Variants in SMIM10L1 observed in about 807,000 individuals in gnomAD.
SMIM10L1 encodes small integral membrane protein 10-like protein 1.
A neutral mutation model predicts 4.5 loss-of-function variants in SMIM10L1; 6 were observed. That is an observed-to-expected ratio of 1.33 (90% CI 0.73 to 2.62). The LOEUF is 2.62. Among genes scored for constraint, SMIM10L1 ranks in the 30% most tolerant of loss-of-function variants. SMIM10L1 has a pLI of 0.00. For synonymous variants in SMIM10L1, 49 were observed against 42.2 expected (o/e 1.16, Z -0.63); for missense variants, 66 against 86.2 (o/e 0.77, Z 0.93).
rs1264639625 is a variant in SMIM10L1 at position 11,171,679 on chromosome 12, C to A, written c.*116C>A. On this transcript the variant is annotated 3_prime_UTR_variant, in exon 1 of 1. Transcript: ENST00000622602. ...CCACAGTCTCGCGAGAGTGCTCAGG[C>A]GCTCTTCGTGGCTGCCCTCTTAGCT... is the stretch of plus-strand genomic sequence containing the variant. 2 of 749,992 alleles carry A rather than the reference C, an allele frequency of 2.7e-6. No homozygotes were observed. The highest frequency in any genetic ancestry group is 3.4e-5 in the East Asian group (1 of 29,478). 46.5% of individuals were successfully genotyped at this position (749,992 alleles called of 1,614,324 possible).
In SMIM10L1 at chr12:11,171,225, A is replaced by T. The variant is rs1947831316; in HGVS notation, c.-132A>T. On this transcript the variant is annotated 5_prime_UTR_variant, in exon 1 of 1. Transcript: ENST00000622602. ...GCGCCGCACTGCACCGAGCGGCGGC[A>T]GCGGCAAGCTTGGGTGTGAGCCCGG... The T allele has an allele frequency of 9.9e-6, 5 of 507,134 alleles. No individual in the cohort carries two copies. The highest frequency in any genetic ancestry group is 1.2e-5 in the Non-Finnish European group (4 of 326,346). The allele number at this position is 507,134 out of a possible 1,614,324, so 31.4% of individuals were successfully genotyped here.
At position 11,174,091 on chromosome 12, in the gene SMIM10L1, C is replaced by G. The variant is rs1947913519; in HGVS notation, c.*2528C>G. The G allele has an allele frequency of 6.6e-6, 1 of 151,614 alleles. No individual in the cohort carries two copies. The highest frequency in any genetic ancestry group is 2.4e-5 in the African/African-American group (1 of 41,250). The allele number at this position is 151,614 out of a possible 1,614,324, so 9.4% of individuals were successfully genotyped here. A position where few individuals can be genotyped will look rare whatever the true frequency, so the allele number is the denominator to read the frequency against. ...AAATGTATTAGGAGGTAAATGTAAA[C>G]TCTGTGGTTTATCATTTATTCACAA... On this transcript the variant is annotated 3_prime_UTR_variant, in exon 1 of 1. Coordinates refer to ENST00000622602, the MANE Select transcript of SMIM10L1 (RefSeq NM_001271592.2).
rs750847913 is a variant in SMIM10L1, at chr12:11,174,158, G to A, written c.*2595G>A. On this transcript the variant is annotated 3_prime_UTR_variant, in exon 1 of 1. Transcript: ENST00000622602. The stretch of plus-strand genomic sequence containing the variant: ...GGGTATAGTTTGCCTCCTACATGAT[G>A]CAATTCAGTGAAATTCCCAGGAGAC... 6.6e-6 allele frequency: 1 copy of A among 151,948 alleles called. No homozygotes were observed. Among genetic ancestry groups the A allele is most frequent in the Non-Finnish European group, 1.5e-5 (1 of 67,950 alleles). 9.4% of individuals were successfully genotyped at this position (151,948 alleles called of 1,614,324 possible). A position where few individuals can be genotyped will look rare whatever the true frequency, so the allele number is the denominator to read the frequency against.
At position 11,174,724 on chromosome 12, in the gene SMIM10L1, C is replaced by A. The variant is rs1333265911; in HGVS notation, c.*3161C>A. The A allele has an allele frequency of 6.6e-6, 1 of 150,692 alleles. No individual in the cohort carries two copies. The allele number at this position is 150,692 out of a possible 1,614,324, so 9.3% of individuals were successfully genotyped here. On this transcript the variant is annotated 3_prime_UTR_variant, in exon 1 of 1. Coordinates refer to ENST00000622602, the MANE Select transcript of SMIM10L1 (RefSeq NM_001271592.2). Reference sequence around the variant, plus strand: ...TTCTGGGTAAAAATACATGTGATTACTTGACAAATAGCATATCATTACCAT... The same window carrying A: ...TTCTGGGTAAAAATACATGTGATTAATTGACAAATAGCATATCATTACCAT...
Position 11,173,336 on chromosome 12 carries a change from T to A in SMIM10L1, c.*1773T>A, listed in dbSNP as rs1947898168. On this transcript the variant is annotated 3_prime_UTR_variant, in exon 1 of 1. Coordinates refer to ENST00000622602, the MANE Select transcript of SMIM10L1 (RefSeq NM_001271592.2). ...TTTTCTACCTGAAGATACTCTGTGT[T>A]TTAAAGCTAAGCTTAGGTGGCGCTT... 6.6e-6 allele frequency: 1 copy of A among 152,192 alleles called. No homozygotes were observed. Among genetic ancestry groups the A allele is most frequent in the Non-Finnish European group, 1.5e-5 (1 of 68,030 alleles). The allele number at this position is 152,192 out of a possible 1,614,324, so 9.4% of individuals were successfully genotyped here.
rs971181353 is a variant in SMIM10L1 at position 11,172,202 on chromosome 12, A to G, written c.*639A>G. 7 of 152,390 alleles carry G rather than the reference A, an allele frequency of 4.6e-5. No homozygotes were observed. The South Asian group carries it at 6.2e-4, about 14-fold the overall frequency. The allele number at this position is 152,390 out of a possible 1,614,324, so 9.4% of individuals were successfully genotyped here. ...GACGTGGATCAAGACTTGGAACCGC[A>G]GAAAACGAAATCCCATAGTAGCACA... On this transcript the variant is annotated 3_prime_UTR_variant, in exon 1 of 1. Coordinates refer to ENST00000622602, the MANE Select transcript of SMIM10L1 (RefSeq NM_001271592.2).
In SMIM10L1 at chr12:11,174,019, AG is replaced by A. The variant is rs949023958; in HGVS notation, c.*2457del. On this transcript the variant is annotated 3_prime_UTR_variant, in exon 1 of 1. Transcript: ENST00000622602. Reference sequence around the variant, plus strand: ...ACTTACAATATATGCATAAAGTTACAGCTTACATTTACCTCGTAATATATGT... The same window carrying A: ...ACTTACAATATATGCATAAAGTTACACTTACATTTACCTCGTAATATATGT... 4 of 150,690 alleles carry A rather than the reference AG, an allele frequency of 2.7e-5. No individual in the cohort carries two copies. Among genetic ancestry groups the A allele is most frequent in the Admixed American group, 6.6e-5 (1 of 15,074 alleles). 9.3% of individuals were successfully genotyped at this position (150,690 alleles called of 1,614,324 possible).
At position 11,171,609 on chromosome 12, in the gene SMIM10L1, C is replaced by T. The variant is rs1947850190; in HGVS notation, c.*46C>T. The stretch of plus-strand genomic sequence containing the variant: ...CCTCCGGGGCCAGCATGATGGCCGA[C>T]TCCCAGGGTCCGTTGCGGCGCGGCG... On this transcript the variant is annotated 3_prime_UTR_variant, in exon 1 of 1. Coordinates refer to ENST00000622602, the MANE Select transcript of SMIM10L1 (RefSeq NM_001271592.2). 2.5e-6 allele frequency: 3 copies of T among 1,193,068 alleles called. No individual in the cohort carries two copies. The highest frequency in any genetic ancestry group is 3.2e-6 in the Non-Finnish European group (3 of 952,334). 73.9% of individuals were successfully genotyped at this position (1,193,068 alleles called of 1,614,324 possible).
Position 11,171,707 on chromosome 12 carries a change from T to C in SMIM10L1, c.*144T>C, listed in dbSNP as rs1947855790. 1.9e-6 allele frequency: 1 copy of C among 525,816 alleles called. No homozygotes were observed. Among genetic ancestry groups the C allele is most frequent in the Non-Finnish European group, 2.9e-6 (1 of 343,602 alleles). 32.6% of individuals were successfully genotyped at this position (525,816 alleles called of 1,614,324 possible). On this transcript the variant is annotated 3_prime_UTR_variant, in exon 1 of 1. Coordinates refer to ENST00000622602, the MANE Select transcript of SMIM10L1 (RefSeq NM_001271592.2). ...TCTTCGTGGCTGCCCTCTTAGCTGC[T>C]AGCGGAGCTCCTCAGGGGGCGGCCG...
rs142204852 is a variant in SMIM10L1 at position 11,172,241 on chromosome 12, C to A, written c.*678C>A. 4 of 152,258 alleles carry A rather than the reference C, an allele frequency of 2.6e-5. No individual in the cohort carries two copies. Among genetic ancestry groups the A allele is most frequent in the African/African-American group, 7.2e-5 (3 of 41,542 alleles). The allele number at this position is 152,258 out of a possible 1,614,324, so 9.4% of individuals were successfully genotyped here. ...CATAGTAGCACAAAGCTTGGCTGTT[C>A]AGTGAATAACATTTAAATAATCGTA... On this transcript the variant is annotated 3_prime_UTR_variant, in exon 1 of 1. Coordinates refer to ENST00000622602, the MANE Select transcript of SMIM10L1 (RefSeq NM_001271592.2).
chr12:11,171,629 G>C lies in SMIM10L1; in HGVS notation c.*66G>C. 1 of 1,149,978 alleles carries C rather than the reference G, an allele frequency of 8.7e-7. No homozygotes were observed. Among genetic ancestry groups the C allele is most frequent in the Non-Finnish European group, 1.1e-6 (1 of 913,284 alleles). 71.2% of individuals were successfully genotyped at this position (1,149,978 alleles called of 1,614,324 possible). A position where few individuals can be genotyped will look rare whatever the true frequency, so the allele number is the denominator to read the frequency against. ...GCCGACTCCCAGGGTCCGTTGCGGC[G>C]CGGCGGAGCAGCCAATGGCGAGCCC... On this transcript the variant is annotated 3_prime_UTR_variant, in exon 1 of 1. Coordinates refer to ENST00000622602, the MANE Select transcript of SMIM10L1 (RefSeq NM_001271592.2).
chr12:11,171,349 C>G lies in SMIM10L1; in HGVS notation c.-8C>G. Reference sequence around the variant, plus strand: ...TACAGACGCTGGGCGGGCGGCGACACCTGGCTCATGGCCCCCGCGGCGGCT... The same window carrying G: ...TACAGACGCTGGGCGGGCGGCGACAGCTGGCTCATGGCCCCCGCGGCGGCT... On this transcript the variant is annotated 5_prime_UTR_variant, in exon 1 of 1. Coordinates refer to ENST00000622602, the MANE Select transcript of SMIM10L1 (RefSeq NM_001271592.2). 8.1e-7 allele frequency: 1 copy of G among 1,231,562 alleles called. No individual in the cohort carries two copies. Among genetic ancestry groups the G allele is most frequent in the Non-Finnish European group, 1.0e-6 (1 of 987,554 alleles). The allele number at this position is 1,231,562 out of a possible 1,614,324, so 76.3% of individuals were successfully genotyped here. A position where few individuals can be genotyped will look rare whatever the true frequency, so the allele number is the denominator to read the frequency against.
At position 11,173,979 on chromosome 12, in the gene SMIM10L1, A is replaced by G. The variant is rs760460066; in HGVS notation, c.*2416A>G. ...ATATATGTATACAGTATATAAGTAT[A>G]TATGTATAGTTACTACTTACAATAT... is the stretch of plus-strand genomic sequence containing the variant. On this transcript the variant is annotated 3_prime_UTR_variant, in exon 1 of 1. Coordinates refer to ENST00000622602, the MANE Select transcript of SMIM10L1 (RefSeq NM_001271592.2). The G allele has an allele frequency of 6.6e-6, 1 of 151,470 alleles. No individual in the cohort carries two copies. 9.4% of individuals were successfully genotyped at this position (151,470 alleles called of 1,614,324 possible). A position where few individuals can be genotyped will look rare whatever the true frequency, so the allele number is the denominator to read the frequency against.
Position 11,175,563 on chromosome 12 carries a change from G to A in SMIM10L1, c.*4000G>A, listed in dbSNP as rs1386350134. ...TGGAAAGTAGTCTAAAGACGACTTGGGAAGTTCCAAGAAAATGAACCAAGA... is the reference window on the plus strand; with the variant it reads ...TGGAAAGTAGTCTAAAGACGACTTGAGAAGTTCCAAGAAAATGAACCAAGA... On this transcript the variant is annotated 3_prime_UTR_variant, in exon 1 of 1. Transcript: ENST00000622602. 6.6e-6 allele frequency: 1 copy of A among 152,150 alleles called. No individual in the cohort carries two copies. The highest frequency in any genetic ancestry group is 6.5e-5 in the Admixed American group (1 of 15,280). 9.4% of individuals were successfully genotyped at this position (152,150 alleles called of 1,614,324 possible).
rs552266463 is a variant in SMIM10L1 at position 11,173,729 on chromosome 12, C to T, written c.*2166C>T. On this transcript the variant is annotated 3_prime_UTR_variant, in exon 1 of 1. Coordinates refer to ENST00000622602, the MANE Select transcript of SMIM10L1 (RefSeq NM_001271592.2). ...AACATATTCCTATAACTTTTTTCCTCACATCAGTCATTTGTTAAACCGAAG... is the reference window on the plus strand; with the variant it reads ...AACATATTCCTATAACTTTTTTCCTTACATCAGTCATTTGTTAAACCGAAG... 53 of 152,144 alleles carry T rather than the reference C, an allele frequency of 3.5e-4. 1 individual carries two copies. Among genetic ancestry groups the T allele is most frequent in the African/African-American group, 1.3e-3 (52 of 41,524 alleles). 9.4% of individuals were successfully genotyped at this position (152,144 alleles called of 1,614,324 possible).
In SMIM10L1 at chr12:11,173,470, C is replaced by G. The variant is rs181437014; in HGVS notation, c.*1907C>G. 1 of 152,308 alleles carries G rather than the reference C, an allele frequency of 6.6e-6. No homozygotes were observed. Among genetic ancestry groups the G allele is most frequent in the East Asian group, 1.9e-4 (1 of 5,192 alleles). The allele number at this position is 152,308 out of a possible 1,614,324, so 9.4% of individuals were successfully genotyped here. ...TTATTTTTCCCTAATCGTGCATCAA[C>G]TGTCTGTTTTATATACCCAAGACAG... On this transcript the variant is annotated 3_prime_UTR_variant, in exon 1 of 1. Coordinates refer to ENST00000622602, the MANE Select transcript of SMIM10L1 (RefSeq NM_001271592.2).
At position 11,172,507 on chromosome 12, in the gene SMIM10L1, A is replaced by G. The variant is rs1002538872; in HGVS notation, c.*944A>G. The G allele has an allele frequency of 5.9e-5, 9 of 152,172 alleles. No individual in the cohort carries two copies. Among genetic ancestry groups the G allele is most frequent in the Non-Finnish European group, 1.3e-4 (9 of 68,032 alleles). The allele number at this position is 152,172 out of a possible 1,614,324, so 9.4% of individuals were successfully genotyped here. On this transcript the variant is annotated 3_prime_UTR_variant, in exon 1 of 1. Coordinates refer to ENST00000622602, the MANE Select transcript of SMIM10L1 (RefSeq NM_001271592.2). Reference sequence around the variant, plus strand: ...CATTTTTATTACTTACAGGGTAGCCATAAAGTTTCTAAAACGGTAATATAT... The same window carrying G: ...CATTTTTATTACTTACAGGGTAGCCGTAAAGTTTCTAAAACGGTAATATAT...
rs1592144099 is a variant in SMIM10L1 at position 11,171,747 on chromosome 12, C to T, written c.*184C>T. On this transcript the variant is annotated 3_prime_UTR_variant, in exon 1 of 1. Transcript: ENST00000622602. ...GGGGGCGGCCGGGAGCCTACAATCC[C>T]TAGAAAGAGAATACGCTGTTCCGGA... The T allele has an allele frequency of 2.5e-6, 1 of 401,472 alleles. No homozygotes were observed. Among genetic ancestry groups the T allele is most frequent in the African/African-American group, 2.0e-5 (1 of 48,806 alleles). The allele number at this position is 401,472 out of a possible 1,614,324, so 24.9% of individuals were successfully genotyped here.
chr12:11,171,916 A>C lies in SMIM10L1; in HGVS notation c.*353A>C. On this transcript the variant is annotated 3_prime_UTR_variant, in exon 1 of 1. Coordinates refer to ENST00000622602, the MANE Select transcript of SMIM10L1 (RefSeq NM_001271592.2). ...GGCTAAAATTTGCAGGAAAAAGAAA[A>C]TCAGTAAACCGGGAATCCTCGGACT... 1 of 171,880 alleles carries C rather than the reference A, an allele frequency of 5.8e-6. No homozygotes were observed. The highest frequency in any genetic ancestry group is 1.2e-5 in the Non-Finnish European group (1 of 81,474). 10.6% of individuals were successfully genotyped at this position (171,880 alleles called of 1,614,324 possible).
Sources: allele counts gnomAD v4.1 joint callset, GRCh38; gene constraint gnomAD v4.1.1; transcripts MANE v1.5; gene names NCBI Gene and HGNC (gene_info 2026-07-23, HGNC 2026-07-21).